Variants in PMM2 observed in about 807,000 individuals in gnomAD.
The protein encoded by PMM2 is phosphomannomutase 2.
A neutral mutation model predicts 33.2 loss-of-function variants in PMM2; 35 were observed. The ratio of observed to expected loss-of-function variants is 1.06; its 90% confidence interval spans 0.81 to 1.40. PMM2 has a LOEUF of 1.40. Ranked by LOEUF, PMM2 falls within the 40% of genes most tolerant of loss-of-function variation. The pLI, the probability that PMM2 is intolerant of heterozygous loss-of-function variation, is 0.00. For synonymous variants in PMM2, 153 were observed against 114.7 expected (o/e 1.33, Z -2.13); for missense variants, 386 against 306.0 (o/e 1.26, Z -1.95).
chr16:8,830,344 G>T (rs2060802578), intron 7 of PMM2, among the ~76,000 whole-genome samples: 1 of 152,198 alleles, frequency 6.6e-6, no homozygotes, highest in South Asian at 2.1e-4. Context: ...ATCAAGACAG[G>T]AGAATTGCAA....
At chr16:8,817,906 ATT>A (rs3034279) in intron 7 of PMM2, among the ~76,000 whole-genome samples, 6 of 142,732 alleles carry the variant, frequency 4.2e-5, no homozygotes, top group Non-Finnish European at 3.0e-5. Context: ...TGCAAAGAAG[ATT>A]TTTTTTTTTT....
intron 7 of PMM2, among the ~76,000 whole-genome samples, chr16:8,824,938 G>A (rs1473843450): frequency 6.6e-6 from 1 of 152,068 alleles, no homozygotes; most frequent in East Asian, 1.9e-4. Context: ...ATCTTTCATT[G>A]TCTCTCTCTG....
chr16:8,811,693 A>G lies in PMM2; in HGVS notation c.503A>G (p.Lys168Arg). 1.2e-6 allele frequency: 2 copies of G among 1,612,502 alleles called. No individual in the cohort carries two copies. The highest frequency in any genetic ancestry group is 1.7e-6 in the Non-Finnish European group (2 of 1,178,494). ...GATCTACGGAAAGAGTTTGCTGGAA[A>G]AGGCCTCACGTTTTCCATAGGTATT... The part of the protein sequence containing the change: ...VADLRKEFAG[K>R]GLTFSIGGQI... Residue 168 changes from lysine to arginine, a missense_variant, in exon 6 of 8, where the codon AAA (lysine) becomes AGA (arginine). By Grantham distance (26) the Lys-to-Arg change is conservative. Coordinates refer to ENST00000268261, the MANE Select transcript of PMM2 (RefSeq NM_000303.3).
chr16:8,797,979 C>G, intron 1 of PMM2, 31 bp downstream of exon 1: 1 of 1,572,720 alleles, frequency 6.4e-7, no homozygotes, highest in African/African-American at 1.3e-5. Context: ...TGCTGGCAGC[C>G]GACGCGGAGC....
intron 7 of PMM2, chr16:8,833,017 A>C (rs578214344): frequency 3.2e-5 from 17 of 536,020 alleles, no homozygotes; most frequent in Non-Finnish European, 3.8e-5. Flanking sequence ...CCAGCTGCTA[A>C]AGCAATGCCT....
chr16:8,842,619 ATGAAAGAG>A (rs2060897596), intron 7 of PMM2, among the ~76,000 whole-genome samples: 1 of 152,202 alleles, frequency 6.6e-6, no homozygotes, highest in African/African-American at 2.4e-5. Flanking sequence ...GGTATTGAGG[ATGAAAGAG>A]TGTATGGGTT....
intron 7 of PMM2, among the ~76,000 whole-genome samples, chr16:8,814,868 T>C (rs2060697524): frequency 6.6e-6 from 1 of 152,244 alleles, no homozygotes; most frequent in Non-Finnish European, 1.5e-5. Flanking sequence ...TTAACAAGTT[T>C]CTAAGTGTAC....
intron 7 of PMM2, among the ~76,000 whole-genome samples, chr16:8,818,511 G>T (rs1028247189): frequency 6.6e-6 from 1 of 152,196 alleles, no homozygotes; most frequent in African/African-American, 2.4e-5. Context: ...GAAAGCTGGG[G>T]TTTTTTCCTT....
intron 7 of PMM2, among the ~76,000 whole-genome samples, chr16:8,841,978 G>A (rs2060893642): frequency 2.6e-5 from 4 of 151,190 alleles, no homozygotes; most frequent in Admixed American, 2.0e-4. Flanking sequence ...TGATTTTTAC[G>A]GCCTCTAAAA....
intron 7 of PMM2, among the ~76,000 whole-genome samples, chr16:8,845,623 G>C (rs1348454462): frequency 1.3e-5 from 2 of 151,546 alleles, no homozygotes; most frequent in Admixed American, 6.6e-5. Flanking sequence ...CTGTTGCCCA[G>C]GCTGAAGTAC....
chr16:8,816,665 C>T (rs140842172), intron 7 of PMM2, among the ~76,000 whole-genome samples: 4,226 of 152,058 alleles, frequency 0.028, 87 homozygotes, highest in Non-Finnish European at 0.044. Context: ...TGCTTGAACC[C>T]GGGAGGTGGA....
chr16:8,825,464 C>T (rs2060761797), intron 7 of PMM2, among the ~76,000 whole-genome samples: 1 of 151,970 alleles, frequency 6.6e-6, no homozygotes, highest in Non-Finnish European at 1.5e-5. Flanking sequence ...GGATTACAGG[C>T]ACCCACCACC....
At chr16:8,812,280 T>C (rs1238690025) in intron 6 of PMM2, among the ~76,000 whole-genome samples, 1 of 152,250 alleles carries the variant, frequency 6.6e-6, no homozygotes, top group African/African-American at 2.4e-5. Flanking sequence ...TGCAGAGTTC[T>C]TCCTGCAGCA....
chr16:8,808,812 A>G (rs552545416), intron 4 of PMM2: 5 of 152,356 alleles, frequency 3.3e-5, no homozygotes, highest in African/African-American at 1.2e-4. Flanking sequence ...CTCAGTGCTC[A>G]TACACACGTG....
At chr16:8,807,070 C>T (rs2060651993) in intron 4 of PMM2, 1 of 152,950 alleles carries the variant, frequency 6.5e-6, no homozygotes, top group Non-Finnish European at 1.5e-5. Flanking sequence ...TCTCACAGCT[C>T]ACTGCAACCT....
At chr16:8,806,130 C>T (rs1040145508) in intron 3 of PMM2, among the ~76,000 whole-genome samples, 186 bp from the exon 4 acceptor site, 28 of 152,134 alleles carry the variant, frequency 1.8e-4, no homozygotes, top group African/African-American at 2.4e-5. Context: ...GCTTTTCTGG[C>T]TTGCCTAATG....
chr16:8,797,934 A>G lies in PMM2; in HGVS notation c.52A>G (p.Thr18Ala). ...LCLFDVDGTL[T>A]APRQKITKEM... ...CCTCTTCGACGTGGATGGGACCCTC[A>G]CCGCCCCGCGGCAGGTAAGTGGCGG... The change falls in exon 1 of 8, where the codon ACC becomes GCC. Residue 18 changes from threonine to alanine, a missense_variant. Coordinates refer to ENST00000268261, the MANE Select transcript of PMM2 (RefSeq NM_000303.3). 2 of 1,607,382 alleles carry G rather than the reference A, an allele frequency of 1.2e-6. No individual in the cohort carries two copies. The highest frequency in any genetic ancestry group is 1.7e-6 in the Non-Finnish European group (2 of 1,177,616).
intron 7 of PMM2, among the ~76,000 whole-genome samples, chr16:8,831,291 T>A (rs570693569): frequency 1.4e-4 from 21 of 152,364 alleles, no homozygotes; most frequent in African/African-American, 5.1e-4. Context: ...TCAGTTATAA[T>A]TTTTGCAAAT....
At chr16:8,824,981 A>G (rs922982032) in intron 7 of PMM2, among the ~76,000 whole-genome samples, 2 of 152,186 alleles carry the variant, frequency 1.3e-5, no homozygotes, top group Non-Finnish European at 2.9e-5. Context: ...TTCAAAAGAG[A>G]AAACCAAATT....
Sources: gnomAD v4.1 joint callset for allele counts (sites outside exome capture counted in the v4.1 genomes callset) on GRCh38, gnomAD v4.1.1 for gene constraint, MANE v1.5 for transcripts, NCBI Gene and HGNC (gene_info 2026-07-23, HGNC 2026-07-21) for gene names.